Variants in AFAP1 observed in about 807,000 individuals in gnomAD.
AFAP1 encodes the protein actin filament associated protein 1, also known as actin filament-associated protein 1.
Under a neutral mutation model 93.9 loss-of-function variants are expected in AFAP1, and 75 were observed. That is an observed-to-expected ratio of 0.80 (90% CI 0.66 to 0.97). The LOEUF (loss-of-function observed/expected upper bound fraction) is 0.97. Among genes scored for constraint, AFAP1 ranks in the 50% least tolerant of loss-of-function variants. AFAP1 has a pLI of 0.00. For synonymous variants in AFAP1, 517 were observed against 430.7 expected, an observed-to-expected ratio of 1.20 and a Z score of -2.48; for missense variants, 1,201 against 1,050.8, an observed-to-expected ratio of 1.14 and a Z score of -1.98.
Position 7,800,502 on chromosome 4 carries a change from A to G in AFAP1, c.1206T>C (p.Asp402=). The change falls in exon 10 of 18, where the codon GAT becomes GAC. Residue 402 remains aspartate (D), a synonymous_variant. Transcript: ENST00000420658. ...GCCGGAACGTCAGAGGATGTTTAGA[A>G]TCCAAACCCGGGATCACCTCGCAGC... ...LRGCEVIPGL[D]SKHPLTFRLL... 6.2e-7 allele frequency: 1 copy of G among 1,614,252 alleles called. No homozygotes were observed. The highest frequency in any genetic ancestry group is 8.5e-7 in the Non-Finnish European group (1 of 1,180,046).
At chr4:7,873,691 C>T (rs180817695) in intron 1 of AFAP1, among the ~76,000 whole-genome samples, 132 of 152,112 alleles carry the variant, frequency 8.7e-4, no homozygotes, top group Middle Eastern at 3.4e-3. Context: ...ATGGGAAGCA[C>T]GCATGAAGCC....
intron 3 of AFAP1, among the ~76,000 whole-genome samples, chr4:7,864,304 T>C (rs1359244582): frequency 6.6e-6 from 1 of 152,238 alleles, no homozygotes; most frequent in Non-Finnish European, 1.5e-5. Flanking sequence ...GCTTTTGCTT[T>C]AATTTACAGC....
At position 7,763,670 on chromosome 4, in the gene AFAP1, G is replaced by C. The variant is rs1714122808; in HGVS notation, c.*95C>G. 4 of 1,484,894 alleles carry C rather than the reference G, an allele frequency of 2.7e-6. No individual in the cohort carries two copies. The highest frequency in any genetic ancestry group is 2.8e-6 in the Non-Finnish European group (3 of 1,087,494). 92.0% of individuals were successfully genotyped at this position (1,484,894 alleles called of 1,614,324 possible). A position where few individuals can be genotyped will look rare whatever the true frequency, so the allele number is the denominator to read the frequency against. ...GTGGAGCCTCTGGAGTCGTGCAGCT[G>C]AGGCCACTCTGGGCAGAGCTTCCTG... is the stretch of plus-strand genomic sequence containing the variant. On this transcript the variant is annotated 3_prime_UTR_variant, in exon 18 of 18. Transcript: ENST00000420658.
chr4:7,890,196 T>C (rs759807383), intron 1 of AFAP1, among the ~76,000 whole-genome samples: 23 of 152,168 alleles, frequency 1.5e-4, no homozygotes, highest in Admixed American at 2.6e-4. Context: ...TTAGGATAGA[T>C]TGGTGAACAA....
chr4:7,794,115 C>A (rs905931819), intron 10 of AFAP1, among the ~76,000 whole-genome samples: 3 of 152,172 alleles, frequency 2.0e-5, no homozygotes, highest in Admixed American at 6.5e-5. Context: ...GGAAAATTAA[C>A]AGGATTAATT....
intron 3 of AFAP1, among the ~76,000 whole-genome samples, chr4:7,862,980 T>C (rs1218945611): frequency 2.0e-5 from 3 of 152,182 alleles, no homozygotes; most frequent in Admixed American, 6.5e-5. Flanking sequence ...GGGCAGTGGG[T>C]CACGGCAGCC....
intron 8 of AFAP1, among the ~76,000 whole-genome samples, chr4:7,812,132 C>T (rs147484692): frequency 4.6e-5 from 7 of 152,270 alleles, no homozygotes; most frequent in East Asian, 3.9e-4. Context: ...CAACAGCGGA[C>T]GGCCCCTCCC....
chr4:7,850,774 C>G (rs1225215377), intron 4 of AFAP1, among the ~76,000 whole-genome samples: 3 of 152,224 alleles, frequency 2.0e-5, no homozygotes, highest in Admixed American at 1.3e-4. Flanking sequence ...TTGTACAACT[C>G]CAGAGCCAAG....
chr4:7,862,558 G>C (rs1715854249), intron 3 of AFAP1, among the ~76,000 whole-genome samples: 1 of 152,090 alleles, frequency 6.6e-6, no homozygotes, highest in Non-Finnish European at 1.5e-5. Flanking sequence ...TAAGTGTATT[G>C]AACCGTACAC....
chr4:7,936,443 G>A (rs1373076712), intron 1 of AFAP1, among the ~76,000 whole-genome samples: 2 of 151,416 alleles, frequency 1.3e-5, no homozygotes, highest in African/African-American at 4.9e-5. Context: ...TCCTACCTCA[G>A]TCTCCCAAAG....
At chr4:7,771,613 T>C (rs1715451345) in intron 16 of AFAP1, among the ~76,000 whole-genome samples, 1 of 152,190 alleles carries the variant, frequency 6.6e-6, no homozygotes, top group African/African-American at 2.4e-5. Context: ...ACACACAGTC[T>C]ATGCAGCGAC....
At chr4:7,897,835 C>G (rs1206708310) in intron 1 of AFAP1, among the ~76,000 whole-genome samples, 1 of 152,140 alleles carries the variant, frequency 6.6e-6, no homozygotes, top group East Asian at 1.9e-4. Flanking sequence ...CGCACCCAGG[C>G]AACACTTCGT....
intron 10 of AFAP1, among the ~76,000 whole-genome samples, chr4:7,799,966 T>C (rs923019748): frequency 6.6e-6 from 1 of 152,170 alleles, no homozygotes; most frequent in East Asian, 1.9e-4. Context: ...CTATAAGGCA[T>C]TCAGATGGCC....
chr4:7,892,445 G>C (rs1262784123), intron 1 of AFAP1, among the ~76,000 whole-genome samples: 1 of 152,190 alleles, frequency 6.6e-6, no homozygotes, highest in Non-Finnish European at 1.5e-5. Context: ...ATTCCCCAAG[G>C]AGACACTGGG....
intron 3 of AFAP1, among the ~76,000 whole-genome samples, chr4:7,858,014 A>T (rs1488638091): frequency 1.3e-5 from 2 of 152,252 alleles, no homozygotes; most frequent in Non-Finnish European, 2.9e-5. Context: ...GATGTTCAAT[A>T]AAAGTTTGTT....
chr4:7,789,911 C>T (rs949814802), intron 11 of AFAP1, among the ~76,000 whole-genome samples: 1 of 152,224 alleles, frequency 6.6e-6, no homozygotes, highest in African/African-American at 2.4e-5. Context: ...TTATGTATCT[C>T]ATTGTAAATA....
At chr4:7,793,921 G>T in intron 10 of AFAP1, 95 bp from the exon 11 acceptor site, 2 of 1,276,112 alleles carry the variant, frequency 1.6e-6, no homozygotes, top group Non-Finnish European at 1.0e-6. Context: ...TAGGAAAGGC[G>T]ATGAAACATG....
chr4:7,848,191 A>AAGGAAGCAAGGGAGGGAGGGAGGG (rs1560197186), intron 4 of AFAP1, among the ~76,000 whole-genome samples: 1 of 77,398 alleles, frequency 1.3e-5, no homozygotes. Context: ...GGGAGGAAGG[A>AAGGAAGCAAGGGAGGGAGGGAGGG]AGGAAGGAAG....
intron 5 of AFAP1, 32 bp from the exon 6 acceptor site, chr4:7,838,735 A>G (rs144211014): frequency 6.2e-7 from 1 of 1,604,268 alleles, no homozygotes; most frequent in South Asian, 1.1e-5. Context: ...AACTGATATT[A>G]TAAGGGAGTT....
Sources: allele counts gnomAD v4.1 joint callset (sites outside exome capture counted in the v4.1 genomes callset), GRCh38; gene constraint gnomAD v4.1.1; transcripts MANE v1.5; gene names NCBI Gene and HGNC (gene_info 2026-07-23, HGNC 2026-07-21).